The following REC114 variants were observed in gnomAD, a reference collection of about 807,000 sequenced individuals.
The protein encoded by REC114 is meiotic recombination protein REC114.
In REC114, 27 loss-of-function variants were observed where a neutral mutation model predicts 31.3. The ratio of observed to expected loss-of-function variants is 0.86; its 90% CI spans 0.64 to 1.19. The LOEUF (loss-of-function observed/expected upper bound fraction) is 1.19. Among genes scored for constraint, REC114 ranks in the 50% most tolerant of loss-of-function variants. The probability of loss-of-function intolerance (pLI) is 0.00; values close to 1 mark genes in which losing one functional copy is unlikely to be tolerated. For missense variants in REC114, 344 were observed against 326.9 expected (o/e 1.05, Z -0.40); for synonymous variants, 134 against 127.7 (o/e 1.05, Z -0.33).
At chr15:73,526,342 C>T (rs2141322473) in intron 2 of REC114, among the ~76,000 whole-genome samples, 1 of 152,250 alleles carries the variant, frequency 6.6e-6, no homozygotes, top group African/African-American at 2.4e-5. Flanking sequence ...AATCTGCCAT[C>T]TTGTTATTTT....
intron 1 of REC114, among the ~76,000 whole-genome samples, chr15:73,455,448 C>G (rs1197134704): frequency 6.6e-6 from 1 of 152,014 alleles, no homozygotes; most frequent in Non-Finnish European, 1.5e-5. Context: ...TTCTCTATAG[C>G]TGTTTAATTA....
intron 1 of REC114, among the ~76,000 whole-genome samples, chr15:73,467,360 C>T (rs1297076104): frequency 1.3e-5 from 2 of 152,188 alleles, no homozygotes; most frequent in Non-Finnish European, 2.9e-5. Context: ...TTATTGCCAG[C>T]ACCTGCAGTG....
intron 2 of REC114, among the ~76,000 whole-genome samples, chr15:73,481,509 C>T (rs1040190993): frequency 2.0e-5 from 3 of 152,044 alleles, no homozygotes; most frequent in Non-Finnish European, 2.9e-5. Context: ...CTCAGTTTAC[C>T]TTGGACTTGG....
chr15:73,509,944 T>C (rs1893738568), intron 2 of REC114, among the ~76,000 whole-genome samples: 1 of 151,862 alleles, frequency 6.6e-6, no homozygotes, highest in African/African-American at 2.4e-5. Flanking sequence ...TGGTTCCATA[T>C]GAACTTTAAA....
chr15:73,506,666 CTG>C (rs1210183965), intron 2 of REC114, among the ~76,000 whole-genome samples: 1 of 152,132 alleles, frequency 6.6e-6, no homozygotes, highest in Admixed American at 6.6e-5. Context: ...ATTATTACAA[CTG>C]TAAATCTTTT....
chr15:73,535,265 G>A (rs946641705), intron 2 of REC114, among the ~76,000 whole-genome samples: 4 of 151,668 alleles, frequency 2.6e-5, no homozygotes, highest in Non-Finnish European at 4.4e-5. Context: ...CGACGTGATT[G>A]TATATCTAGA....
intron 2 of REC114, among the ~76,000 whole-genome samples, chr15:73,530,885 A>T (rs943376080): frequency 6.6e-6 from 1 of 151,970 alleles, no homozygotes; most frequent in Non-Finnish European, 1.5e-5. Context: ...ACCTTCTCAC[A>T]TTCATCAAGA....
intron 3 of REC114, among the ~76,000 whole-genome samples, chr15:73,546,239 A>C (rs1894307030): frequency 6.6e-6 from 1 of 152,214 alleles, no homozygotes; most frequent in African/African-American, 2.4e-5. Context: ...AAGAATCTTC[A>C]GTGTCGGAGG....
At chr15:73,450,054 A>G (rs771126696) in intron 1 of REC114, among the ~76,000 whole-genome samples, 1 of 152,244 alleles carries the variant, frequency 6.6e-6, no homozygotes, top group Non-Finnish European at 1.5e-5. Flanking sequence ...TGTAAAGACC[A>G]TCGATGCTAT....
intron 4 of REC114, among the ~76,000 whole-genome samples, chr15:73,553,738 A>G (rs1032845294): frequency 5.3e-5 from 8 of 152,212 alleles, no homozygotes; most frequent in Admixed American, 2.0e-4. Flanking sequence ...ACTGGTCCCA[A>G]ATGTCTAGGT....
At chr15:73,550,859 GA>G in intron 3 of REC114, 78 bp from the exon 4 acceptor site, 8 of 1,366,576 alleles carry the variant, frequency 5.9e-6, no homozygotes, top group Non-Finnish European at 7.3e-6. Flanking sequence ...CCAAGCAAAG[GA>G]AACACTCAGT....
intron 1 of REC114, among the ~76,000 whole-genome samples, chr15:73,458,967 A>G (rs934379609): frequency 2.6e-5 from 4 of 152,234 alleles, no homozygotes; most frequent in African/African-American, 9.6e-5. Flanking sequence ...TGATCTAGAG[A>G]CTGCTAAGAA....
At chr15:73,556,899 C>CAAA in intron 5 of REC114, among the ~76,000 whole-genome samples, 1 of 152,166 alleles carries the variant, frequency 6.6e-6, no homozygotes, top group Non-Finnish European at 1.5e-5. Flanking sequence ...CCCCCTGCTG[C>CAAA]AAAACCTCTT....
At chr15:73,465,835 A>G (rs1358037240) in intron 1 of REC114, among the ~76,000 whole-genome samples, 1 of 152,048 alleles carries the variant, frequency 6.6e-6, no homozygotes, top group Non-Finnish European at 1.5e-5. Flanking sequence ...CATTGTTTTT[A>G]TTTTATTTTA....
In REC114 at chr15:73,543,319, T is replaced by G. The variant is rs570713901; in HGVS notation, c.333+2751T>G. ...AAAACTAGGAACCATTTGCCTGTTA[T>G]TGTCAATGGTTTTTTTGTTTGTTTG... On this transcript the variant is annotated intron_variant, in intron 3 of 5. Coordinates refer to ENST00000331090, the MANE Select transcript of REC114 (RefSeq NM_001042367.2). Among the ~76,000 whole-genome samples the G allele has an allele frequency of 2.0e-5, 3 of 152,246 alleles. No homozygotes were observed. The South Asian group carries it at 6.2e-4, about 32-fold the overall frequency.
chr15:73,537,868 C>A (rs1195591945), intron 2 of REC114, among the ~76,000 whole-genome samples: 1 of 152,146 alleles, frequency 6.6e-6, no homozygotes, highest in African/African-American at 2.4e-5. Flanking sequence ...TTTTTATTAG[C>A]CTCTTGTGTA....
intron 2 of REC114, 110 bp from the exon 3 acceptor site, chr15:73,540,375 T>G: frequency 1.2e-6 from 1 of 828,238 alleles, no homozygotes; most frequent in Non-Finnish European, 2.1e-6. Context: ...CTACTATGTT[T>G]GAGTTACACA....
chr15:73,547,900 T>C (rs1049411110), intron 3 of REC114, among the ~76,000 whole-genome samples: 42 of 152,106 alleles, frequency 2.8e-4, no homozygotes, highest in African/African-American at 9.9e-4. Flanking sequence ...CAAAAGCAAT[T>C]GCAACAAAAG....
At chr15:73,505,423 T>G (rs1893662826) in intron 2 of REC114, among the ~76,000 whole-genome samples, 1 of 152,208 alleles carries the variant, frequency 6.6e-6, no homozygotes, top group South Asian at 2.1e-4. Context: ...TGTAGATTTT[T>G]CTACGCATCC....
Sources: allele counts gnomAD v4.1 joint callset (sites outside exome capture counted in the v4.1 genomes callset), GRCh38; gene constraint gnomAD v4.1.1; transcripts MANE v1.5; gene names NCBI Gene and HGNC (gene_info 2026-07-23, HGNC 2026-07-21).